BIRC6: variants seen among roughly 807,000 people sequenced by gnomAD.
BIRC6 encodes the protein dual E2 ubiquitin-conjugating enzyme/E3 ubiquitin-protein ligase BIRC6.
In BIRC6, 98 loss-of-function variants were observed where a neutral mutation model predicts 503.3. The ratio of observed to expected loss-of-function variants is 0.19; its 90% confidence interval spans 0.17 to 0.23. The LOEUF (loss-of-function observed/expected upper bound fraction) is 0.23, where lower values mean the gene tolerates loss of function less well. Ranked by LOEUF, BIRC6 falls within the 10% of genes least tolerant of loss-of-function variation. BIRC6 has a pLI of 1.00. For synonymous variants in BIRC6, 2,240 were observed against 2,078.7 expected (o/e 1.08, Z -2.11); for missense variants, 5,360 against 5,806.0 (o/e 0.92, Z 2.50).
At chr2:32,517,821 ATCTCT>A (rs1216157726) in intron 55 of BIRC6, among the ~76,000 whole-genome samples, 7 of 152,048 alleles carry the variant, frequency 4.6e-5, no homozygotes, top group South Asian at 2.1e-4. Context: ...GGCTCAAATG[ATCTCT>A]TCTCTTAGTT....
intron 70 of BIRC6, 87 bp downstream of exon 70, chr2:32,599,987 A>G: frequency 1.5e-6 from 2 of 1,298,480 alleles, no homozygotes; most frequent in Non-Finnish European, 2.1e-6. Flanking sequence ...TGTTTTAGTT[A>G]TCTGCTAAGA....
At position 32,357,380 on chromosome 2, in the gene BIRC6, G is replaced by A. The variant is rs1424588789; in HGVS notation, c.219G>A (p.Leu73=). 2 of 1,548,756 alleles carry A rather than the reference G, an allele frequency of 1.3e-6. No homozygotes were observed. Among genetic ancestry groups the A allele is most frequent in the Non-Finnish European group, 8.7e-7 (1 of 1,146,548 alleles). Residue 73 remains leucine, a synonymous_variant, in exon 1 of 74, where the codon CTG becomes CTA. Coordinates refer to ENST00000421745, the MANE Select transcript of BIRC6 (RefSeq NM_016252.4). The surrounding 1 kb of genome is among the most constrained non-coding windows in gnomAD (Gnocchi z 4.9). The stretch of plus-strand genomic sequence containing the variant: ...GCGACGCCGACGGGCTGCACAGCCT[G>A]TCCTACCACCCTGCGCTCAACGCCA... ...MHCDADGLHS[L]SYHPALNAIL...
chr2:32,566,263 A>T (rs535585668), intron 65 of BIRC6: 10 of 152,328 alleles, frequency 6.6e-5, no homozygotes, highest in Admixed American at 2.6e-4. Context: ...ATTAATAAAC[A>T]TAAATAGGTT....
intron 1 of BIRC6, among the ~76,000 whole-genome samples, chr2:32,358,301 GGT>G (rs894245384): frequency 1.3e-5 from 2 of 152,166 alleles, no homozygotes; most frequent in Non-Finnish European, 2.9e-5. Flanking sequence ...AGGATTTGAA[GGT>G]GTGTCTGAGT....
intron 68 of BIRC6, 40 bp from the exon 69 acceptor site, chr2:32,597,709 ATT>A: frequency 6.9e-7 from 1 of 1,451,020 alleles, no homozygotes; most frequent in East Asian, 2.3e-5. Context: ...CATTATAACA[ATT>A]TTTTGCAGTT....
intron 66 of BIRC6, among the ~76,000 whole-genome samples, chr2:32,592,964 C>G (rs773291277): frequency 6.6e-6 from 1 of 152,080 alleles, no homozygotes; most frequent in East Asian, 1.9e-4. Flanking sequence ...GACCACTTTG[C>G]GAGATAGTAT....
chr2:32,367,962 A>G (rs1573674289), intron 1 of BIRC6, among the ~76,000 whole-genome samples: 1 of 152,236 alleles, frequency 6.6e-6, no homozygotes. Flanking sequence ...GTCTTCTTCA[A>G]GATTTATTGT....
intron 65 of BIRC6, chr2:32,557,640 GT>G (rs1289414369): frequency 2.0e-5 from 3 of 152,198 alleles, no homozygotes; most frequent in Non-Finnish European, 4.4e-5. Context: ...TTAAAGGATA[GT>G]TTCTAAATCT....
At chr2:32,561,772 C>T (rs1198130116) in intron 65 of BIRC6, among the ~76,000 whole-genome samples, 1 of 64 alleles carries the variant, frequency 0.016, no homozygotes, top group East Asian at 0.25. Context: ...TTGCTGGGGG[C>T]AGTGCTCACG....
chr2:32,558,944 CAT>C (rs1247774566), intron 65 of BIRC6: 1 of 152,164 alleles, frequency 6.6e-6, no homozygotes, highest in Non-Finnish European at 1.5e-5. Flanking sequence ...TGCTGAATCA[CAT>C]ATTTCCTCCA....
chr2:32,470,488 A>G (rs2048993903), intron 31 of BIRC6, among the ~76,000 whole-genome samples, 187 bp downstream of exon 31: 1 of 151,402 alleles, frequency 6.6e-6, no homozygotes, highest in East Asian at 1.9e-4. Flanking sequence ...TTTAAAATTT[A>G]TTCCTTTTCA....
Position 32,561,741 on chromosome 2 carries a change from T to TA in BIRC6, c.13144+12260_13144+12261insA, listed in dbSNP as rs1559057122. On this transcript the variant is annotated intron_variant, in intron 65 of 73. Coordinates refer to ENST00000421745, the MANE Select transcript of BIRC6 (RefSeq NM_016252.4). Reference sequence around the variant, plus strand: ...TAATCATGTATATATATATATATATTTATTTATTTATTTCTAGATTTTGCT... The same window carrying TA: ...TAATCATGTATATATATATATATATTATATTTATTTATTTCTAGATTTTGCT... Among the ~76,000 whole-genome samples the TA allele has an allele frequency of 5.6e-5, 7 of 124,802 alleles. No homozygotes were observed. The South Asian group carries it at 7.7e-4, about 14-fold the overall frequency. The allele number at this position is 124,802 out of a possible 152,430, so 81.9% of individuals were successfully genotyped here.
intron 1 of BIRC6, among the ~76,000 whole-genome samples, chr2:32,369,968 ATATATATATATATATATGTATG>A (rs2035641423): frequency 4.7e-5 from 3 of 63,966 alleles, no homozygotes; most frequent in African/African-American, 5.3e-5. Context: ...ATATATATAT[ATATATATATATATATATGTATG>A]TATGTATGTG....
chr2:32,410,802 G>A (rs1314501639), intron 9 of BIRC6, among the ~76,000 whole-genome samples: 4 of 147,340 alleles, frequency 2.7e-5, no homozygotes, highest in East Asian at 2.1e-4. Flanking sequence ...CCGGGTTCAC[G>A]CCATTCTGCT....
At chr2:32,409,262 C>A (rs2041589949) in intron 9 of BIRC6, among the ~76,000 whole-genome samples, 1 of 152,062 alleles carries the variant, frequency 6.6e-6, no homozygotes, top group African/African-American at 2.4e-5. Flanking sequence ...TGGGTTCAAG[C>A]AATTCTACTG....
Position 32,545,759 on chromosome 2 carries a change from A to T in BIRC6, c.12709A>T (p.Met4237Leu), listed in dbSNP as rs1362169832. 1 of 1,613,872 alleles carries T rather than the reference A, an allele frequency of 6.2e-7. No homozygotes were observed. The highest frequency in any genetic ancestry group is 1.1e-5 in the South Asian group (1 of 91,084). The part of the protein sequence containing the change: ...TTDDGVLLRR[M>L]ALEIGALHLI... The stretch of plus-strand genomic sequence containing the variant: ...TGATGATGGTGTACTTCTAAGGCGG[A>T]TGGCATTGGAAATTGGAGCCTTACA... Residue 4237 changes from methionine (M) to leucine (L), a missense_variant, in exon 63 of 74, where the codon ATG (methionine) becomes TTG (leucine). By Grantham distance (15) the Met-to-Leu change is conservative (BLOSUM62 2). Coordinates refer to ENST00000421745, the MANE Select transcript of BIRC6 (RefSeq NM_016252.4).
intron 26 of BIRC6, among the ~76,000 whole-genome samples, chr2:32,466,051 G>A (rs1558805698): frequency 6.6e-6 from 1 of 152,074 alleles, no homozygotes; most frequent in Non-Finnish European, 1.5e-5. Context: ...AATGACTGTA[G>A]TACATAAGCC....
chr2:32,424,623 T>A (rs887708563), intron 10 of BIRC6, among the ~76,000 whole-genome samples: 1 of 151,852 alleles, frequency 6.6e-6, no homozygotes, highest in African/African-American at 2.4e-5. Flanking sequence ...CTAGTGAGTC[T>A]CCTGCCTCAG....
intron 65 of BIRC6, among the ~76,000 whole-genome samples, chr2:32,553,850 T>C (rs561839578): frequency 5.3e-4 from 80 of 152,348 alleles, no homozygotes; most frequent in African/African-American, 1.9e-3. Flanking sequence ...ATTTGTTTCT[T>C]ATTGCTTACT....
Sources: allele counts gnomAD v4.1 joint callset (sites outside exome capture counted in the v4.1 genomes callset), GRCh38; gene constraint gnomAD v4.1.1; non-coding constraint Gnocchi (gnomAD v3.1); transcripts MANE v1.5; gene names NCBI Gene and HGNC (gene_info 2026-07-23, HGNC 2026-07-21).